UGT1A8: variants seen among roughly 807,000 people sequenced by gnomAD.
UGT1A8 encodes UDP glucuronosyltransferase family 1 member A8.
UGT1A8 carries 39 observed loss-of-function variants against 45.3 expected under a neutral mutation model. The observed-to-expected ratio is 0.86, with a 90% confidence interval of 0.67 to 1.12. UGT1A8 has a LOEUF of 1.12. Ranked by LOEUF, UGT1A8 falls within the 50% of genes most tolerant of loss-of-function variation. The probability of loss-of-function intolerance (pLI) is 0.00; values close to 1 mark genes in which losing one functional copy is unlikely to be tolerated. For synonymous variants in UGT1A8, 275 were observed against 249.2 expected (o/e 1.10, Z -0.97); for missense variants, 719 against 664.9 (o/e 1.08, Z -0.90).
intron 1 of UGT1A8, among the ~76,000 whole-genome samples, chr2:233,688,251 C>T (rs2074884439): frequency 6.6e-6 from 1 of 152,210 alleles, no homozygotes; most frequent in African/African-American, 2.4e-5. Flanking sequence ...TATTTCATTC[C>T]TTTACATGGC....
intron 1 of UGT1A8, among the ~76,000 whole-genome samples, chr2:233,733,920 G>C (rs2078453813): frequency 1.3e-5 from 2 of 151,954 alleles, no homozygotes; most frequent in Non-Finnish European, 1.5e-5. Context: ...GAATTCGGCT[G>C]TGAGGAAGGG....
At chr2:233,736,231 C>G (rs570595506) in intron 1 of UGT1A8, among the ~76,000 whole-genome samples, 1 of 152,102 alleles carries the variant, frequency 6.6e-6, no homozygotes, top group African/African-American at 2.4e-5. Flanking sequence ...TTTTCTCTAA[C>G]CTTGTCTTCT....
intron 1 of UGT1A8, chr2:233,692,815 A>T: frequency 7.0e-7 from 1 of 1,427,232 alleles, no homozygotes; most frequent in East Asian, 2.6e-5. Context: ...GTTGGTTCAT[A>T]TTAACCATGT....
At chr2:233,631,974 T>C (rs1487147667) in intron 1 of UGT1A8, among the ~76,000 whole-genome samples, 3 of 152,130 alleles carry the variant, frequency 2.0e-5, no homozygotes, top group Non-Finnish European at 2.9e-5. Flanking sequence ...TTAGGTCTTA[T>C]GTTTAAGTCT....
intron 1 of UGT1A8, among the ~76,000 whole-genome samples, chr2:233,732,370 CTA>C (rs2078265306): frequency 6.6e-6 from 1 of 152,226 alleles, no homozygotes; most frequent in African/African-American, 2.4e-5. Context: ...TGGCCCATGC[CTA>C]TGTCTTCTAG....
At chr2:233,718,838 G>A (rs529035115) in intron 1 of UGT1A8, 2 of 1,613,656 alleles carry the variant, frequency 1.2e-6, no homozygotes, top group East Asian at 2.2e-5. Flanking sequence ...GAGGACTCCA[G>A]GTTCCCCTGC....
chr2:233,637,063 G>T (rs1328175789), intron 1 of UGT1A8: 8 of 1,613,944 alleles, frequency 5.0e-6, no homozygotes, highest in Non-Finnish European at 5.9e-6. Context: ...TGAAGAAGGT[G>T]CACAGTGCCC....
At chr2:233,702,200 C>T (rs1204351976) in intron 1 of UGT1A8, among the ~76,000 whole-genome samples, 1 of 152,172 alleles carries the variant, frequency 6.6e-6, no homozygotes. Flanking sequence ...CCCTGGCAGC[C>T]ATTAATCAAC....
At chr2:233,627,288 T>C (rs1187280193) in intron 1 of UGT1A8, among the ~76,000 whole-genome samples, 1 of 152,028 alleles carries the variant, frequency 6.6e-6, no homozygotes, top group East Asian at 1.9e-4. Flanking sequence ...CTCATTTGTC[T>C]CCTTTTGCTT....
At chr2:233,761,234 G>A in intron 1 of UGT1A8, 1 of 1,612,826 alleles carries the variant, frequency 6.2e-7, no homozygotes, top group Non-Finnish European at 8.5e-7. Flanking sequence ...CCAGATATAT[G>A]CTGAGCAAGC....
chr2:233,689,420 C>T (rs2074942005), intron 1 of UGT1A8, among the ~76,000 whole-genome samples: 1 of 152,164 alleles, frequency 6.6e-6, no homozygotes, highest in Admixed American at 6.5e-5. Context: ...TCTCTAATGG[C>T]TTGCAAGTAA....
chr2:233,693,978 G>T (rs1189326021), intron 1 of UGT1A8: 83 of 1,557,818 alleles, frequency 5.3e-5, no homozygotes, highest in Non-Finnish European at 6.9e-5. Flanking sequence ...GAGAAACGGT[G>T]GGGGGAAGTG....
At position 233,700,669 on chromosome 2, in the gene UGT1A8, C is replaced by A. The variant is rs542466137; in HGVS notation, c.856-66365C>A. Among the ~76,000 whole-genome samples, 10 of 152,082 alleles carry A rather than the reference C, an allele frequency of 6.6e-5. No individual in the cohort carries two copies. In the East Asian group the frequency reaches 1.9e-3, roughly 29 times the overall value. On this transcript the variant is annotated intron_variant, in intron 1 of 4. Coordinates refer to ENST00000373450, the MANE Select transcript of UGT1A8 (RefSeq NM_019076.5). ...GTTTACATATTTCTACTTTTCAGCA[C>A]AAATTCGTGATAATATATAAACTAC... is the stretch of plus-strand genomic sequence containing the variant.
At chr2:233,754,790 T>C (rs1308374413) in intron 1 of UGT1A8, 13 of 1,196,884 alleles carry the variant, frequency 1.1e-5, no homozygotes, top group Non-Finnish European at 1.4e-5. Context: ...AGGAACGAAA[T>C]CCTGTATCAA....
intron 1 of UGT1A8, among the ~76,000 whole-genome samples, chr2:233,737,586 G>T (rs1642090076): frequency 6.6e-6 from 1 of 152,172 alleles, no homozygotes; most frequent in African/African-American, 2.4e-5. Flanking sequence ...CAGTCCCAAT[G>T]AGATGAACCA....
intron 1 of UGT1A8, among the ~76,000 whole-genome samples, chr2:233,621,510 A>G (rs2073006618): frequency 6.6e-6 from 1 of 152,196 alleles, no homozygotes; most frequent in African/African-American, 2.4e-5. Flanking sequence ...ATCCAAATTC[A>G]AAGTTAGCTT....
intron 1 of UGT1A8, among the ~76,000 whole-genome samples, chr2:233,631,966 A>T (rs1209903441): frequency 6.6e-6 from 1 of 152,078 alleles, no homozygotes; most frequent in South Asian, 2.1e-4. Flanking sequence ...TCATGGTTTT[A>T]GGTCTTATGT....
chr2:233,746,863 GATAA>G lies in UGT1A8; in HGVS notation c.856-20169_856-20166del, dbSNP rs761863158. 2.4e-3 allele frequency among the ~76,000 whole-genome samples: 366 copies of G among 151,888 alleles called. 1 individual carries two copies. The highest frequency in any genetic ancestry group is 3.4e-3 in the Non-Finnish European group (229 of 68,012). The stretch of plus-strand genomic sequence containing the variant: ...ACCTCTCAGACCTCAGCTGCAGCCT[GATAA>G]ACGTGGTTAACAGAGAAGTAGGAGG... On this transcript the variant is annotated intron_variant, in intron 1 of 4. Transcript: ENST00000373450.
At chr2:233,676,804 G>A (rs865906530) in intron 1 of UGT1A8, among the ~76,000 whole-genome samples, 8 of 152,124 alleles carry the variant, frequency 5.3e-5, no homozygotes, top group South Asian at 4.1e-4. Flanking sequence ...GTTTTCTTGC[G>A]TGTGAATATT....
Sources: gnomAD v4.1 joint callset for allele counts (sites outside exome capture counted in the v4.1 genomes callset) on GRCh38, gnomAD v4.1.1 for gene constraint, MANE v1.5 for transcripts, NCBI Gene and HGNC (gene_info 2026-07-23, HGNC 2026-07-21) for gene names.